Variants in APLP2 observed in about 807,000 individuals in gnomAD.
APLP2 encodes the protein amyloid beta precursor like protein 2, also known as CDEI box-binding protein.
Under a neutral mutation model 89.9 loss-of-function variants are expected in APLP2, and 53 were observed. The ratio of observed to expected loss-of-function variants is 0.59; its 90% confidence interval spans 0.47 to 0.74. The LOEUF (loss-of-function observed/expected upper bound fraction) is 0.74. Among genes scored for constraint, APLP2 ranks in the 30% least tolerant of loss-of-function variants. APLP2 has a pLI of 0.00. For missense variants in APLP2, 973 were observed against 975.9 expected (o/e 1.00, Z 0.04); for synonymous variants, 372 against 348.6 (o/e 1.07, Z -0.75).
chr11:130,141,641 G>A lies in APLP2; in HGVS notation c.1998+69G>A, dbSNP rs1952407743. ...GGTATTTCTCCTCTGGACCTTCTCA[G>A]TTCAAGTAGAAAACGGGAGAGATGC... On this transcript the variant is annotated intron_variant, in intron 15 of 16. Transcript: ENST00000338167. The surrounding 1 kb of genome is among the most constrained non-coding windows in gnomAD (Gnocchi z 4.2). 1 of 1,414,630 alleles carries A rather than the reference G, an allele frequency of 7.1e-7. No homozygotes were observed. The highest frequency in any genetic ancestry group is 1.4e-5 in the African/African-American group (1 of 70,618). 87.6% of individuals were successfully genotyped at this position (1,414,630 alleles called of 1,614,324 possible).
chr11:130,095,110 T>TAACG (rs60317307), intron 1 of APLP2, among the ~76,000 whole-genome samples: 1 of 151,788 alleles, frequency 6.6e-6, no homozygotes, highest in Non-Finnish European at 1.5e-5. Context: ...TATGTTATAA[T>TAACG]GAGATAGACC....
chr11:130,094,011 C>T (rs1465592365), intron 1 of APLP2, among the ~76,000 whole-genome samples: 1 of 148,576 alleles, frequency 6.7e-6, no homozygotes, highest in African/African-American at 2.5e-5. Flanking sequence ...TCTCAAAGTG[C>T]TGGGATTACA....
In APLP2 at chr11:130,130,069, A is replaced by T. The variant is rs1950774659; in HGVS notation, c.1487A>T (p.Tyr496Phe). 6.2e-7 allele frequency: 1 copy of T among 1,614,128 alleles called. No homozygotes were observed. The highest frequency in any genetic ancestry group is 1.3e-5 in the African/African-American group (1 of 74,950). ...PHRILQALRR[Y>F]VRAENKDRLH... is the part of the protein sequence containing the mutation. Reference sequence around the variant, plus strand: ...CGCATTCTCCAGGCCTTACGGCGTTATGTCCGTGCTGAGAACAAAGATCGC... The same window carrying T: ...CGCATTCTCCAGGCCTTACGGCGTTTTGTCCGTGCTGAGAACAAAGATCGC... Residue 496 changes from tyrosine to phenylalanine, a missense_variant, in exon 11 of 17, where the codon TAT becomes TTT. Tyr to Phe is a conservative substitution (Grantham distance 22). Transcript: ENST00000338167.
At chr11:130,125,084 G>T (rs1184654423) in intron 7 of APLP2, among the ~76,000 whole-genome samples, 1 of 152,202 alleles carries the variant, frequency 6.6e-6, no homozygotes, top group Non-Finnish European at 1.5e-5. Context: ...TGGGGCCTCT[G>T]CCTGGAGGGC....
chr11:130,085,463 C>CA (rs1353361917), intron 1 of APLP2, among the ~76,000 whole-genome samples: 1 of 148,338 alleles, frequency 6.7e-6, no homozygotes, highest in Admixed American at 6.7e-5. Context: ...AAAAAAAAAC[C>CA]AAAAAACAAA....
intron 1 of APLP2, chr11:130,082,728 CA>C (rs1943393415): frequency 4.4e-6 from 1 of 226,002 alleles, no homozygotes; most frequent in Admixed American, 4.7e-5. Flanking sequence ...GCATTTGGGA[CA>C]GCCTAGTTTT....
chr11:130,132,670 C>T (rs745977982), intron 11 of APLP2, among the ~76,000 whole-genome samples: 10 of 150,858 alleles, frequency 6.6e-5, no homozygotes, highest in Non-Finnish European at 8.8e-5. Context: ...CAGTGAGCTA[C>T]GGTAGATGAG....
chr11:130,133,488 C>T, intron 11 of APLP2, 141 bp from the exon 12 acceptor site: 1 of 627,816 alleles, frequency 1.6e-6, no homozygotes, highest in Non-Finnish European at 2.9e-6. Flanking sequence ...TTCCCCTGAC[C>T]AGTTGCTTTG....
At chr11:130,099,715 C>A (rs954622886) in intron 1 of APLP2, among the ~76,000 whole-genome samples, 7 of 152,218 alleles carry the variant, frequency 4.6e-5, no homozygotes, top group African/African-American at 1.7e-4. Context: ...GGAATGTGCA[C>A]TCTTTTAAAC....
chr11:130,077,642 G>T (rs369380824), intron 1 of APLP2, among the ~76,000 whole-genome samples: 1 of 151,108 alleles, frequency 6.6e-6, no homozygotes. Context: ...CACTGGATAC[G>T]GAAATATAAC....
At chr11:130,109,381 T>C (rs528585724) in intron 1 of APLP2, 48 bp from the exon 2 acceptor site, 1 of 1,548,350 alleles carries the variant, frequency 6.5e-7, no homozygotes, top group Non-Finnish European at 8.7e-7. Context: ...CTGTTGCCTC[T>C]GTGCTAGCCT....
chr11:130,110,701 C>T (rs1395327061), intron 3 of APLP2, 40 bp downstream of exon 3: 2 of 1,561,608 alleles, frequency 1.3e-6, no homozygotes, highest in African/African-American at 1.4e-5. Flanking sequence ...TGCCAGCCCC[C>T]TCCCATTTTA....
Position 130,129,291 on chromosome 11 carries a change from T to G in APLP2, c.1455+85T>G. The G allele has an allele frequency of 3.4e-6, 5 of 1,453,522 alleles. No individual in the cohort carries two copies. The South Asian group carries it at 6.9e-5, about 20-fold the overall frequency. 90.0% of individuals were successfully genotyped at this position (1,453,522 alleles called of 1,614,324 possible). On this transcript the variant is annotated intron_variant, in intron 10 of 16. Coordinates refer to ENST00000338167, the MANE Select transcript of APLP2 (RefSeq NM_001142276.2). The stretch of plus-strand genomic sequence containing the variant: ...GACACTCAGGTCAGTAAAAGTGACA[T>G]TTGTATGACAAGTTCTGGCAAAGCT...
Position 130,141,626 on chromosome 11 carries a change from C to T in APLP2, c.1998+54C>T. 6.7e-7 allele frequency: 1 copy of T among 1,496,226 alleles called. No homozygotes were observed. Among genetic ancestry groups the T allele is most frequent in the Non-Finnish European group, 9.3e-7 (1 of 1,074,872 alleles). 92.7% of individuals were successfully genotyped at this position (1,496,226 alleles called of 1,614,324 possible). On this transcript the variant is annotated intron_variant, in intron 15 of 16. Transcript: ENST00000338167. The surrounding 1 kb of genome is among the most constrained non-coding windows in gnomAD (Gnocchi z 4.2). The stretch of plus-strand genomic sequence containing the variant: ...TTCCTGCCAATCTTAGGTATTTCTC[C>T]TCTGGACCTTCTCAGTTCAAGTAGA...
At chr11:130,090,886 CG>C (rs1420144333) in intron 1 of APLP2, among the ~76,000 whole-genome samples, 3 of 144,550 alleles carry the variant, frequency 2.1e-5, no homozygotes, top group Non-Finnish European at 3.0e-5. Context: ...GTTGGCCGGG[CG>C]GGGGGGCTGA....
chr11:130,108,553 A>G (rs1167922824), intron 1 of APLP2: 1 of 152,178 alleles, frequency 6.6e-6, no homozygotes, highest in Non-Finnish European at 1.5e-5. Context: ...AAGTCAGGAA[A>G]CAACAGGTGC....
At chr11:130,074,728 A>C (rs1941798969) in intron 1 of APLP2, among the ~76,000 whole-genome samples, 1 of 152,236 alleles carries the variant, frequency 6.6e-6, no homozygotes, top group African/African-American at 2.4e-5. Context: ...CTGTTAATAG[A>C]TAGGTCATGT....
chr11:130,076,421 A>G (rs1403525002), intron 1 of APLP2, among the ~76,000 whole-genome samples: 1 of 152,074 alleles, frequency 6.6e-6, no homozygotes, highest in Non-Finnish European at 1.5e-5. Flanking sequence ...TTTTTTTAGT[A>G]GTAAGTTGTG....
At chr11:130,125,148 C>A (rs1026956339) in intron 7 of APLP2, among the ~76,000 whole-genome samples, 3 of 152,170 alleles carry the variant, frequency 2.0e-5, no homozygotes, top group African/African-American at 7.2e-5. Context: ...TTTTGTTCTT[C>A]TTTGAAGGGG....
Sources: allele counts gnomAD v4.1 joint callset (sites outside exome capture counted in the v4.1 genomes callset), GRCh38; gene constraint gnomAD v4.1.1; non-coding constraint Gnocchi (gnomAD v3.1); transcripts MANE v1.5; gene names NCBI Gene and HGNC (gene_info 2026-07-23, HGNC 2026-07-21).